Variants in EPB41L4A observed in about 807,000 individuals in gnomAD.
The protein encoded by EPB41L4A is erythrocyte membrane protein band 4.1 like 4A.
Under a neutral mutation model 108.6 loss-of-function variants are expected in EPB41L4A, and 100 were observed. The ratio of observed to expected loss-of-function variants is 0.92; its 90% CI spans 0.78 to 1.09. The LOEUF (loss-of-function observed/expected upper bound fraction) is 1.09, where lower values mean the gene tolerates loss of function less well. EPB41L4A is among the 50% of genes least tolerant of loss of function. The pLI is 0.00. For missense variants in EPB41L4A, 1,030 were observed against 842.7 expected (o/e 1.22, Z -2.75); for synonymous variants, 319 against 289.0 (o/e 1.10, Z -1.05).
Position 112,316,547 on chromosome 5 carries a change from C to A in EPB41L4A, c.100-9057G>T, listed in dbSNP as rs922299995. Among the ~76,000 whole-genome samples, 3 of 151,976 alleles carry A rather than the reference C, an allele frequency of 2.0e-5. No homozygotes were observed. The South Asian group carries it at 6.2e-4, about 32-fold the overall frequency. Reference sequence around the variant, plus strand: ...CCCATTGTTTATGTCTAAGAGTTACCCTCACCCTCCAGATGAGGAAAATCC... The same window carrying A: ...CCCATTGTTTATGTCTAAGAGTTACACTCACCCTCCAGATGAGGAAAATCC... On this transcript the variant is annotated intron_variant, in intron 1 of 22. Transcript: ENST00000261486.
chr5:112,228,172 G>A (rs973988074), intron 12 of EPB41L4A: 1 of 152,204 alleles, frequency 6.6e-6, no homozygotes, highest in Non-Finnish European at 1.5e-5. Context: ...AGCCAAATCT[G>A]TTGATCAGAA....
intron 1 of EPB41L4A, chr5:112,392,688 G>C (rs1761034271): frequency 6.6e-6 from 1 of 152,168 alleles, no homozygotes; most frequent in Non-Finnish European, 1.5e-5. Flanking sequence ...CAATGAGACA[G>C]AAGGTTAAAA....
chr5:112,144,321 G>C (rs76661833), intron 13 of EPB41L4A, among the ~76,000 whole-genome samples: 2,032 of 152,280 alleles, frequency 0.013, 14 homozygotes, highest in Middle Eastern at 0.027. Flanking sequence ...GTCTCACCCT[G>C]TTGTCCAGAC....
In EPB41L4A at chr5:112,157,110, G is replaced by A. The variant is rs77688129; in HGVS notation, n.994+1291C>T. Among the ~76,000 whole-genome samples the A allele has an allele frequency of 4.9e-3, 742 of 150,440 alleles. 8 individuals are homozygous for A. Among genetic ancestry groups the A allele is most frequent in the Admixed American group, 0.012 (182 of 15,102 alleles). ...ACAGGAGAGACAAATAGACCAGTAG[G>A]ACAGAATAGAGAGTGCAAAGGTACA... On this transcript the variant is annotated intron_variant and non_coding_transcript_variant, in intron 12 of 13. Coordinates refer to the EPB41L4A transcript ENST00000507810.
intron 1 of EPB41L4A, among the ~76,000 whole-genome samples, chr5:112,360,597 T>A (rs1045295684): frequency 1.3e-5 from 2 of 152,112 alleles, no homozygotes; most frequent in Non-Finnish European, 2.9e-5. Flanking sequence ...CAGGCTGGAG[T>A]GCAGTGGCGT....
intron 1 of EPB41L4A, among the ~76,000 whole-genome samples, chr5:112,411,849 G>C (rs998340415): frequency 1.2e-4 from 18 of 152,164 alleles, no homozygotes; most frequent in African/African-American, 4.3e-4. Context: ...GGCAGCAGAG[G>C]TTCCAAGCCT....
At chr5:112,241,146 A>T (rs914687499) in intron 9 of EPB41L4A, among the ~76,000 whole-genome samples, 1 of 152,176 alleles carries the variant, frequency 6.6e-6, no homozygotes, top group Non-Finnish European at 1.5e-5. Flanking sequence ...GGACCATGTG[A>T]AAATCAACTC....
In EPB41L4A at chr5:112,346,216, A is replaced by ATTTTTTTTTTTTTTTTTTTTTTT. The variant is rs561328868; in HGVS notation, c.100-38749_100-38727dup. ...AATTCTTTAAAGTTAGGTACATTGC[A>ATTTTTTTTTTTTTTTTTTTTTTT]TTTTTTTTTTTTTTTTTTTTTTTTT... On this transcript the variant is annotated intron_variant, in intron 1 of 22. Transcript: ENST00000261486. Among the ~76,000 whole-genome samples, 13 of 67,346 alleles carry ATTTTTTTTTTTTTTTTTTTTTTT rather than the reference A, an allele frequency of 1.9e-4. 4 individuals carry two copies. Among genetic ancestry groups the ATTTTTTTTTTTTTTTTTTTTTTT allele is most frequent in the East Asian group, 1.1e-3 (2 of 1,904 alleles). The allele number at this position is 67,346 out of a possible 152,430, so 44.2% of individuals were successfully genotyped here.
At chr5:112,254,845 G>A (rs774025507) in intron 9 of EPB41L4A, among the ~76,000 whole-genome samples, 15 of 151,612 alleles carry the variant, frequency 9.9e-5, no homozygotes, top group South Asian at 2.1e-4. Flanking sequence ...TGTGCCCTCC[G>A]GAATTCATGA....
intron 12 of EPB41L4A, among the ~76,000 whole-genome samples, chr5:112,234,343 C>A (rs1336061288): frequency 6.6e-6 from 1 of 151,594 alleles, no homozygotes; most frequent in East Asian, 1.9e-4. Flanking sequence ...AATCATGCCA[C>A]TGCAATCCAG....
At chr5:112,365,492 C>T (rs575335918) in intron 1 of EPB41L4A, among the ~76,000 whole-genome samples, 1 of 152,190 alleles carries the variant, frequency 6.6e-6, no homozygotes, top group South Asian at 2.1e-4. Context: ...TTTAAATCAA[C>T]TTTGTTTTAG....
intron 1 of EPB41L4A, among the ~76,000 whole-genome samples, chr5:112,376,629 C>T (rs1759837217): frequency 6.6e-6 from 1 of 152,136 alleles, no homozygotes; most frequent in African/African-American, 2.4e-5. Context: ...ATAAACAACC[C>T]ACACATCCTT....
chr5:112,198,494 G>A (rs937898640), intron 15 of EPB41L4A, among the ~76,000 whole-genome samples: 4 of 152,164 alleles, frequency 2.6e-5, no homozygotes, highest in African/African-American at 9.7e-5. Context: ...AACCGATTAT[G>A]TCAAATGCTT....
intron 12 of EPB41L4A, among the ~76,000 whole-genome samples, chr5:112,218,275 G>A (rs958840103): frequency 1.3e-5 from 2 of 152,220 alleles, no homozygotes; most frequent in Admixed American, 6.5e-5. Flanking sequence ...AGGAGAGGGT[G>A]CACATTGTTC....
chr5:112,240,757 G>T lies in EPB41L4A; in HGVS notation c.849C>A (p.His283Gln). The T allele has an allele frequency of 6.3e-7, 1 of 1,585,154 alleles. No individual in the cohort carries two copies. The highest frequency in any genetic ancestry group is 8.5e-7 in the Non-Finnish European group (1 of 1,172,544). The change falls in exon 10 of 23, where the codon CAC becomes CAA. Residue 283 changes from histidine (H) to glutamine (Q), a missense_variant. His to Gln is a conservative substitution (Grantham distance 24). Coordinates refer to ENST00000261486, the MANE Select transcript of EPB41L4A (RefSeq NM_022140.5). ...FEARSKTACK[H>Q]LWKCSVEHHT... The stretch of plus-strand genomic sequence containing the variant: ...GATGTTCCACACTGCACTTCCAGAG[G>T]TGCTTGCAAGCAGTTTTACTCCGAG...
chr5:112,159,913 T>C (rs1044095648), downstream of EPB41L4A, among the ~76,000 whole-genome samples: 29 of 151,204 alleles, frequency 1.9e-4, no homozygotes, highest in East Asian at 5.6e-3. Flanking sequence ...TTTTTTTTTT[T>C]TTTTTTGAGA....
intron 12 of EPB41L4A, among the ~76,000 whole-genome samples, chr5:112,147,361 C>T (rs1200438625): frequency 1.3e-5 from 2 of 152,086 alleles, no homozygotes; most frequent in African/African-American, 4.8e-5. Context: ...AAATCTGAGC[C>T]GGGTGCGGTG....
intron 12 of EPB41L4A, among the ~76,000 whole-genome samples, chr5:112,232,052 T>C (rs1185910949): frequency 6.7e-6 from 1 of 149,074 alleles, no homozygotes; most frequent in Non-Finnish European, 1.5e-5. Context: ...AGTTCAAAGC[T>C]ACTGTGAGCT....
intron 1 of EPB41L4A, among the ~76,000 whole-genome samples, chr5:112,310,541 T>C (rs140799366): frequency 2.4e-4 from 36 of 152,334 alleles, no homozygotes; most frequent in African/African-American, 6.7e-4. Context: ...CTTAATCAAA[T>C]AGATGGTTCC....
Sources: gnomAD v4.1 joint callset for allele counts (sites outside exome capture counted in the v4.1 genomes callset) on GRCh38, gnomAD v4.1.1 for gene constraint, MANE v1.5 for transcripts, NCBI Gene and HGNC (gene_info 2026-07-23, HGNC 2026-07-21) for gene names.